PRDM16: variants seen among roughly 807,000 people sequenced by gnomAD.
PRDM16 encodes the protein histone-lysine N-methyltransferase PRDM16.
PRDM16 carries 23 observed loss-of-function variants against 110.6 expected under a neutral mutation model. The observed-to-expected ratio is 0.21, with a 90% CI of 0.15 to 0.29. PRDM16 has a LOEUF of 0.29. Ranked by LOEUF, PRDM16 falls within the 10% of genes least tolerant of loss-of-function variation. The pLI, the probability that PRDM16 is intolerant of heterozygous loss-of-function variation, is 1.00. For missense variants in PRDM16, 1,615 were observed against 1,794.3 expected (o/e 0.90, Z 1.81); for synonymous variants, 799 against 781.8 (o/e 1.02, Z -0.37).
chr1:3,319,204 G>A (rs930075297), intron 3 of PRDM16, among the ~76,000 whole-genome samples: 10 of 152,192 alleles, frequency 6.6e-5, no homozygotes, highest in Non-Finnish European at 1.0e-4. Flanking sequence ...CCTGCTGCCC[G>A]GCAGGGATGG....
chr1:3,313,298 G>A (rs918709052), intron 3 of PRDM16, among the ~76,000 whole-genome samples: 3 of 152,220 alleles, frequency 2.0e-5, no homozygotes, highest in African/African-American at 7.2e-5. Flanking sequence ...TCGCCGTCAC[G>A]ATGAGTCAGC....
Position 3,160,909 on chromosome 1 carries a change from G to T in PRDM16, c.38-25216G>T, listed in dbSNP as rs868416609. Among the ~76,000 whole-genome samples the T allele has an allele frequency of 2.0e-5, 3 of 152,328 alleles. No individual in the cohort carries two copies. The South Asian group carries it at 6.2e-4, about 32-fold the overall frequency. ...TGAGCCTGGGTGTGAGCCCTGAGCT[G>T]TTTTTCGGGCAGGATGCAGCCGGTG... On this transcript the variant is annotated intron_variant, in intron 1 of 16. Transcript: ENST00000270722.
intron 12 of PRDM16, among the ~76,000 whole-genome samples, chr1:3,422,921 C>G (rs1386850644): frequency 6.6e-6 from 1 of 152,172 alleles, no homozygotes; most frequent in Admixed American, 6.5e-5. Context: ...GCAGGGGCTC[C>G]CAGAGAAGAA....
chr1:3,234,836 G>A lies in PRDM16; in HGVS notation c.388-9251G>A, dbSNP rs1250991897. 2.6e-5 allele frequency among the ~76,000 whole-genome samples: 4 copies of A among 152,364 alleles called. No individual in the cohort carries two copies. In the East Asian group the frequency reaches 7.7e-4, roughly 29 times the overall value. The stretch of plus-strand genomic sequence containing the variant: ...TCCTGCTCGGAGGGGCCGTGATGGT[G>A]CCTGACACCCACCTTTGGCCTAAAG... On this transcript the variant is annotated intron_variant, in intron 2 of 16. Transcript: ENST00000270722.
Position 3,358,211 on chromosome 1 carries a change from T to A in PRDM16, c.439-26941T>A, listed in dbSNP as rs1642646108. On this transcript the variant is annotated intron_variant, in intron 3 of 16. Transcript: ENST00000270722. This position sits in a 1 kb window ranked among gnomAD's most constrained non-coding sequence, Gnocchi z 4.0. ...CTTTCTGGCCTTGGAGGGAAGTTTGTCTTCCTCCCTGTACACAGATAAAGT... is the reference window on the plus strand; with the variant it reads ...CTTTCTGGCCTTGGAGGGAAGTTTGACTTCCTCCCTGTACACAGATAAAGT... 6.6e-6 allele frequency among the ~76,000 whole-genome samples: 1 copy of A among 152,202 alleles called. No individual in the cohort carries two copies.
intron 1 of PRDM16, among the ~76,000 whole-genome samples, chr1:3,108,946 G>A (rs531099667): frequency 1.3e-5 from 2 of 151,894 alleles, no homozygotes; most frequent in Admixed American, 6.6e-5. Flanking sequence ...GCTGGGCGTA[G>A]TGGTGGACAC....
chr1:3,312,682 G>A (rs1387756380), intron 3 of PRDM16, among the ~76,000 whole-genome samples: 1 of 152,250 alleles, frequency 6.6e-6, no homozygotes, highest in African/African-American at 2.4e-5. Context: ...AGGCTCTGAC[G>A]CTGGAATTGA....
At chr1:3,145,060 A>C (rs867814293) in intron 1 of PRDM16, among the ~76,000 whole-genome samples, 1 of 152,290 alleles carries the variant, frequency 6.6e-6, no homozygotes. Context: ...ATGTCCCTGC[A>C]CTTGGATGTC....
chr1:3,319,248 T>C (rs1641685123), intron 3 of PRDM16, among the ~76,000 whole-genome samples: 1 of 152,032 alleles, frequency 6.6e-6, no homozygotes, highest in Non-Finnish European at 1.5e-5. Context: ...TGAGGGATCA[T>C]TGGGTCTAAA....
chr1:3,253,351 T>TC (rs35867328), intron 3 of PRDM16, among the ~76,000 whole-genome samples: 1 of 74,572 alleles, frequency 1.3e-5, no homozygotes, highest in Non-Finnish European at 2.4e-5. Context: ...ATGCTATCCC[T>TC]CCCCCCCTCC....
At chr1:3,249,918 T>C (rs1226577741) in intron 3 of PRDM16, among the ~76,000 whole-genome samples, 1 of 152,222 alleles carries the variant, frequency 6.6e-6, no homozygotes. Flanking sequence ...TAAGTATTCC[T>C]AAGAAGTTTG....
chr1:3,072,445 T>C (rs1431321386), intron 1 of PRDM16, among the ~76,000 whole-genome samples: 1 of 152,104 alleles, frequency 6.6e-6, no homozygotes, highest in Non-Finnish European at 1.5e-5. Context: ...GGGAGTGTCC[T>C]CTCCACAAGT....
In PRDM16 at chr1:3,403,011, CCT is replaced by C. The variant is rs1256489748; in HGVS notation, c.884+16_884+17del. 2 of 1,582,402 alleles carry C rather than the reference CCT, an allele frequency of 1.3e-6. No individual in the cohort carries two copies. Among genetic ancestry groups the C allele is most frequent in the African/African-American group, 3.2e-5 (2 of 62,484 alleles). ...CCAACAAGTACAGGTGCCACGCCCT[CCT>C]CTGAGTCTTCCTCCCCTTCCCGTAC... On this transcript the variant is annotated intron_variant, in intron 6 of 16. Coordinates refer to ENST00000270722, the MANE Select transcript of PRDM16 (RefSeq NM_022114.4).
At position 3,435,016 on chromosome 1, in the gene PRDM16, G is replaced by A. The variant is rs1043908741; in HGVS notation, c.*1205G>A. ...CAGTCGTCACGTCGCTCTTCCTGCG[G>A]GTTCTTGGCGAGACACAGCTTGAGA... is the stretch of plus-strand genomic sequence containing the variant. On this transcript the variant is annotated 3_prime_UTR_variant, in exon 17 of 17. Transcript: ENST00000270722. 2.2e-5 allele frequency: 5 copies of A among 227,680 alleles called. No individual in the cohort carries two copies. The highest frequency in any genetic ancestry group is 4.4e-5 in the Non-Finnish European group (5 of 114,552). 14.1% of individuals were successfully genotyped at this position (227,680 alleles called of 1,614,324 possible).
chr1:3,113,303 G>A (rs1279610405), intron 1 of PRDM16, among the ~76,000 whole-genome samples: 2 of 152,220 alleles, frequency 1.3e-5, no homozygotes, highest in Non-Finnish European at 2.9e-5. Context: ...AGCAGGACAG[G>A]GGCCCGGAGG....
intron 1 of PRDM16, among the ~76,000 whole-genome samples, chr1:3,151,315 C>T (rs746987026): frequency 3.9e-5 from 6 of 152,156 alleles, no homozygotes; most frequent in South Asian, 2.1e-4. Context: ...GGGTCCTTTT[C>T]GGGGGCTCTT....
At chr1:3,115,461 G>A (rs534466928) in intron 1 of PRDM16, among the ~76,000 whole-genome samples, 1 of 152,288 alleles carries the variant, frequency 6.6e-6, no homozygotes, top group East Asian at 1.9e-4. Flanking sequence ...TTGGACTAAT[G>A]GCACGCGGAC....
At position 3,181,396 on chromosome 1, in the gene PRDM16, ATG is replaced by A. The variant is rs372202115; in HGVS notation, c.38-4728_38-4727del. The stretch of plus-strand genomic sequence containing the variant: ...CGCAGTCTTACACACGGCCTTACGC[ATG>A]GTCTTACACACGCAGTCTTACACAC... On this transcript the variant is annotated intron_variant, in intron 1 of 16. Coordinates refer to ENST00000270722, the MANE Select transcript of PRDM16 (RefSeq NM_022114.4). Among the ~76,000 whole-genome samples, 12 of 13,926 alleles carry A rather than the reference ATG, an allele frequency of 8.6e-4. 2 individuals are homozygous for A. Among genetic ancestry groups the A allele is most frequent in the Admixed American group, 2.3e-3 (2 of 866 alleles). The allele number at this position is 13,926 out of a possible 152,430, so 9.1% of individuals were successfully genotyped here.
chr1:3,171,973 C>T (rs909392778), intron 1 of PRDM16, among the ~76,000 whole-genome samples: 3 of 152,156 alleles, frequency 2.0e-5, no homozygotes, highest in Non-Finnish European at 4.4e-5. Flanking sequence ...TCCAGTAGAA[C>T]GGGGTCCCCG....
Sources: allele counts gnomAD v4.1 joint callset (sites outside exome capture counted in the v4.1 genomes callset), GRCh38; gene constraint gnomAD v4.1.1; non-coding constraint Gnocchi (gnomAD v3.1); transcripts MANE v1.5; gene names NCBI Gene and HGNC (gene_info 2026-07-23, HGNC 2026-07-21).